Variants in SCOC observed in about 807,000 individuals in gnomAD.
SCOC encodes short coiled coil protein.
SCOC carries 7 observed loss-of-function variants against 9.9 expected under a neutral mutation model. That is an observed-to-expected ratio of 0.71 (90% CI 0.40 to 1.33). The LOEUF is 1.33. Ranked by LOEUF, SCOC falls within the 40% of genes most tolerant of loss-of-function variation. The pLI, the probability that SCOC is intolerant of heterozygous loss-of-function variation, is 0.01. For synonymous variants in SCOC, 19 were observed against 28.2 expected, an observed-to-expected ratio of 0.67 and a Z score of 1.03; for missense variants, 66 against 89.7, an observed-to-expected ratio of 0.74 and a Z score of 1.07.
At chr4:140,262,947 T>G (rs75180150) in intron 1 of SCOC, among the ~76,000 whole-genome samples, 2,340 of 152,024 alleles carry the variant, frequency 0.015, 53 homozygotes, top group African/African-American at 0.044. Context: ...CATGATCCAA[T>G]CACCTCCTGC....
chr4:140,285,728 C>T lies in SCOC; in HGVS notation c.-19+28318C>T, dbSNP rs1731247311. 5.3e-5 allele frequency among the ~76,000 whole-genome samples: 8 copies of T among 152,292 alleles called. No homozygotes were observed. In the South Asian group the frequency reaches 1.7e-3, roughly 32 times the overall value. Reference sequence around the variant, plus strand: ...TCTTCCCCTTTTCAATGAACCAAGACATTGCTAAGCAGTTAGTATAGTGGC... The same window carrying T: ...TCTTCCCCTTTTCAATGAACCAAGATATTGCTAAGCAGTTAGTATAGTGGC... On this transcript the variant is annotated intron_variant, in intron 1 of 4. Transcript: ENST00000394205.
intron 1 of SCOC, among the ~76,000 whole-genome samples, chr4:140,303,476 G>A (rs1392689432): frequency 2.0e-5 from 3 of 152,176 alleles, no homozygotes; most frequent in Non-Finnish European, 2.9e-5. Context: ...AGAAGCCCCT[G>A]ACCCTGGTGA....
chr4:140,262,940 GATCCAATCA>G (rs1730663097), intron 1 of SCOC, among the ~76,000 whole-genome samples: 1 of 152,042 alleles, frequency 6.6e-6, no homozygotes, highest in Admixed American at 6.6e-5. Context: ...ACCACCCCAT[GATCCAATCA>G]CCTCCTGCCA....
At chr4:140,358,569 G>A (rs1212854368) in intron 2 of SCOC, among the ~76,000 whole-genome samples, 3 of 152,210 alleles carry the variant, frequency 2.0e-5, no homozygotes, top group Non-Finnish European at 4.4e-5. Context: ...CTCAGCCTGG[G>A]TTCTGAGAGG....
chr4:140,369,700 GA>G (rs960338382), upstream of SCOC, among the ~76,000 whole-genome samples: 22 of 151,388 alleles, frequency 1.5e-4, no homozygotes, highest in Admixed American at 2.0e-4. Flanking sequence ...CATTCTCTAG[GA>G]AAAAAAATGT....
At chr4:140,333,214 C>T (rs1912963) in intron 1 of SCOC, among the ~76,000 whole-genome samples, 117,160 of 151,962 alleles carry the variant, frequency 0.77, 45,518 homozygotes, top group Non-Finnish European at 0.82. Flanking sequence ...TTGCATCAGC[C>T]AGGCCTTCCT....
At chr4:140,303,547 A>C (rs1357366219) in intron 1 of SCOC, among the ~76,000 whole-genome samples, 2 of 152,134 alleles carry the variant, frequency 1.3e-5, no homozygotes, top group African/African-American at 4.8e-5. Context: ...CTTTATAGCT[A>C]TCTAGTGCCT....
chr4:140,373,605 A>T (rs758402970), upstream of SCOC: 1 of 1,551,436 alleles, frequency 6.4e-7, no homozygotes, highest in African/African-American at 1.4e-5. Context: ...GATTCTTCTC[A>T]CGGCGCACGT....
At chr4:140,300,443 C>G (rs1011967587) in intron 1 of SCOC, among the ~76,000 whole-genome samples, 4 of 152,206 alleles carry the variant, frequency 2.6e-5, no homozygotes, top group Non-Finnish European at 5.9e-5. Flanking sequence ...CCCCCAGGTA[C>G]TCCCCAGTGC....
intron 1 of SCOC, among the ~76,000 whole-genome samples, chr4:140,277,961 G>T (rs1295968660): frequency 6.6e-6 from 1 of 152,224 alleles, no homozygotes; most frequent in Non-Finnish European, 1.5e-5. Flanking sequence ...GCAAATCTTT[G>T]CCATAGTGGA....
intron 1 of SCOC, among the ~76,000 whole-genome samples, chr4:140,325,053 C>T (rs1732607284): frequency 6.6e-6 from 1 of 151,948 alleles, no homozygotes; most frequent in South Asian, 2.1e-4. Flanking sequence ...TGATTTTTAA[C>T]AAAGGTGCCA....
At chr4:140,367,505 G>A (rs924376875) in intron 2 of SCOC, among the ~76,000 whole-genome samples, 6 of 151,542 alleles carry the variant, frequency 4.0e-5, no homozygotes, top group African/African-American at 1.5e-4. Flanking sequence ...TCAGCCTCCC[G>A]AGTAGCTGGG....
intron 2 of SCOC, among the ~76,000 whole-genome samples, chr4:140,358,776 A>G (rs1235183142): frequency 6.6e-6 from 1 of 152,246 alleles, no homozygotes; most frequent in African/African-American, 2.4e-5. Flanking sequence ...TTCCCTTTGG[A>G]AAACTGCATA....
intron 1 of SCOC, among the ~76,000 whole-genome samples, chr4:140,326,009 G>A (rs1206779766): frequency 6.6e-6 from 1 of 152,150 alleles, no homozygotes; most frequent in Admixed American, 6.6e-5. Flanking sequence ...AAAAATGAAT[G>A]CATTATCGAT....
At chr4:140,297,261 G>A (rs1047953382) in intron 1 of SCOC, among the ~76,000 whole-genome samples, 2 of 60,156 alleles carry the variant, frequency 3.3e-5, no homozygotes, top group African/African-American at 2.0e-4. Context: ...AGAGCATTCT[G>A]GTGACTGTGG....
At chr4:140,361,741 C>T (rs1453217947) in intron 2 of SCOC, among the ~76,000 whole-genome samples, 1 of 152,098 alleles carries the variant, frequency 6.6e-6, no homozygotes, top group Non-Finnish European at 1.5e-5. Context: ...TACCTTGAAA[C>T]GTAAAGAGTC....
At chr4:140,359,337 T>A (rs1379615092) in intron 2 of SCOC, among the ~76,000 whole-genome samples, 1 of 152,062 alleles carries the variant, frequency 6.6e-6, no homozygotes, top group Non-Finnish European at 1.5e-5. Flanking sequence ...CACCTACATA[T>A]GGTCTCTTCA....
rs185006071 is a variant in SCOC, at chr4:140,310,152, T to A, written c.-18-33469T>A. ...TTGTAAATTCTTATGCTTTATATTT[T>A]AAAAAAATCTTTGTCACATGAAAAT... On this transcript the variant is annotated intron_variant, in intron 1 of 4. Transcript: ENST00000394205. 2.9e-3 allele frequency among the ~76,000 whole-genome samples: 443 copies of A among 152,308 alleles called. 1 individual carries two copies. Among genetic ancestry groups the A allele is most frequent in the African/African-American group, 9.9e-3 (410 of 41,564 alleles).
chr4:140,293,529 A>G, intron 1 of SCOC: 1 of 387,406 alleles, frequency 2.6e-6, no homozygotes, highest in Non-Finnish European at 5.2e-6. Flanking sequence ...ATAGGAAGAA[A>G]GGAAGGATTG....
Sources: gnomAD v4.1 joint callset for allele counts (sites outside exome capture counted in the v4.1 genomes callset) on GRCh38, gnomAD v4.1.1 for gene constraint, MANE v1.5 for transcripts, NCBI Gene and HGNC (gene_info 2026-07-23, HGNC 2026-07-21) for gene names.